IGFN1: variants seen among roughly 807,000 people sequenced by gnomAD.
IGFN1 encodes the protein immunoglobulin like and fibronectin type III domain containing 1.
In IGFN1, 253 loss-of-function variants were observed where a neutral mutation model predicts 289.5. That is an observed-to-expected ratio of 0.87 (90% CI 0.79 to 0.97). IGFN1 has a LOEUF of 0.97. Ranked by LOEUF, IGFN1 falls within the 50% of genes least tolerant of loss-of-function variation. The probability of loss-of-function intolerance (pLI) is 0.00; values close to 1 mark genes in which losing one functional copy is unlikely to be tolerated. For missense variants in IGFN1, 4,470 were observed against 4,686.1 expected (o/e 0.95, Z 1.35); for synonymous variants, 1,706 against 1,788.5 (o/e 0.95, Z 1.16).
Position 201,212,822 on chromosome 1 carries a change from G to A in IGFN1, c.7929G>A (p.Lys2643=). The change falls in exon 12 of 24, where the codon AAG becomes AAA. Residue 2643 remains lysine, a synonymous_variant. Coordinates refer to ENST00000335211, the MANE Select transcript of IGFN1 (RefSeq NM_001164586.2). ...GCCAAGGCAGCATAGATGCTGGGAA[G>A]CAGCCCGCAGGCTCCAGAGCTTCCG... ...GFSQGSIDAG[K]QPAGSRASGS... The A allele has an allele frequency of 6.4e-7, 1 of 1,551,354 alleles. No homozygotes were observed. Among genetic ancestry groups the A allele is most frequent in the Non-Finnish European group, 8.7e-7 (1 of 1,146,912 alleles).
chr1:201,220,861 G>A (rs1653680009), intron 18 of IGFN1, among the ~76,000 whole-genome samples: 1 of 152,212 alleles, frequency 6.6e-6, no homozygotes, highest in Non-Finnish European at 1.5e-5. Context: ...TGGCATCTAG[G>A]TGCCAGTATT....
chr1:201,201,851 TGGGTG>T lies in IGFN1; in HGVS notation c.747+23_747+27del. ...GTATAAGGTGAGGCTGGAGGGGCTATGGGTGGGGGGGATCTGGCAGGGATGCTTCA... is the reference window on the plus strand; with the variant it reads ...GTATAAGGTGAGGCTGGAGGGGCTATGGGGGGATCTGGCAGGGATGCTTCA... On this transcript the variant is annotated intron_variant, in intron 9 of 23. Transcript: ENST00000335211. 1.4e-6 allele frequency: 1 copy of T among 716,314 alleles called. No homozygotes were observed. The highest frequency in any genetic ancestry group is 2.4e-6 in the Non-Finnish European group (1 of 410,286). The allele number at this position is 716,314 out of a possible 1,614,324, so 44.4% of individuals were successfully genotyped here.
Position 201,208,410 on chromosome 1 carries a change from G to T in IGFN1, c.3517G>T (p.Ala1173Ser), listed in dbSNP as rs7551538. 0.33 allele frequency: 485,362 copies of T among 1,449,018 alleles called. 82,516 individuals carry two copies. The highest frequency in any genetic ancestry group is 0.38 in the South Asian group (25,510 of 67,562). 89.8% of individuals were successfully genotyped at this position (1,449,018 alleles called of 1,614,324 possible). Residue 1173 changes from alanine to serine, a missense_variant, in exon 12 of 24, where the codon GCT becomes TCT. By Grantham distance (99) the Ala-to-Ser change is moderately conservative (BLOSUM62 1). This residue lies in a region of IGFN1 where 2,011 missense variants were observed against 1,953.4 expected (regional missense o/e 1.03). Coordinates refer to ENST00000335211, the MANE Select transcript of IGFN1 (RefSeq NM_001164586.2). ...GEGDGTRCPG[A>S]KASGAGAGYR... ...GGGGGATGGGACAAGATGCCCTGGT[G>T]CTAAGGCCTCTGGAGCTGGAGCTGG...
chr1:201,203,746 GA>G lies in IGFN1; in HGVS notation c.757del (p.Met253Ter). ...SKIYLYKDGE[M>X]IPYGFNNQTK... ...TCCTTTTCTGGCCTTAGGATGGTGAGATGATCCCCTATGGCTTCAACAACCA... is the reference window on the plus strand; with the variant it reads ...TCCTTTTCTGGCCTTAGGATGGTGAGTGATCCCCTATGGCTTCAACAACCA... On this transcript the variant is annotated frameshift_variant, in exon 10 of 24. Coordinates refer to ENST00000335211, the MANE Select transcript of IGFN1 (RefSeq NM_001164586.2). LOFTEE classifies it high-confidence loss of function. The G allele has an allele frequency of 6.4e-7, 1 of 1,551,698 alleles. No homozygotes were observed. Among genetic ancestry groups the G allele is most frequent in the South Asian group, 1.2e-5 (1 of 84,050 alleles).
chr1:201,207,915 G>C lies in IGFN1; in HGVS notation c.3022G>C (p.Gly1008Arg). The change falls in exon 12 of 24, where the codon GGG becomes CGG. Residue 1008 changes from glycine (G) to arginine (R), a missense_variant. By Grantham distance (125) the Gly-to-Arg change is moderately radical (BLOSUM62 -2). Transcript: ENST00000335211. ...GGGAGTGGAGTCTGAGGAAGGGGGT[G>C]GGTACAGGCATGGCTCCGGAGCGCC... Reference protein sequence around the residue: ...PAGVESEEGGGYRHGSGAPGG... With the variant: ...PAGVESEEGGRYRHGSGAPGG... 1 of 1,536,826 alleles carries C rather than the reference G, an allele frequency of 6.5e-7. No individual in the cohort carries two copies. The highest frequency in any genetic ancestry group is 2.4e-5 in the East Asian group (1 of 40,896).
In IGFN1 at chr1:201,212,652, G is replaced by T; in HGVS notation, c.7759G>T (p.Val2587Leu). 1 of 1,541,448 alleles carries T rather than the reference G, an allele frequency of 6.5e-7. No homozygotes were observed. Among genetic ancestry groups the T allele is most frequent in the Non-Finnish European group, 8.8e-7 (1 of 1,141,238 alleles). The change falls in exon 12 of 24, where the codon GTA (valine) becomes TTA (leucine). Residue 2587 changes from valine to leucine, a missense_variant. Val to Leu is a conservative substitution (Grantham distance 32). Transcript: ENST00000335211. ...GGDSLLGGRR[V>L]GSGSSVGTGQ... ...GGACTCACTTTTGGGAGGCAGAAGG[G>T]TAGGCTCAGGGAGTTCAGTGGGGAC...
chr1:201,224,767 A>C lies in IGFN1; in HGVS notation c.10379A>C (p.Gln3460Pro). 2 of 1,614,176 alleles carry C rather than the reference A, an allele frequency of 1.2e-6. No individual in the cohort carries two copies. Among genetic ancestry groups the C allele is most frequent in the Non-Finnish European group, 1.7e-6 (2 of 1,180,016 alleles). Reference protein sequence around the residue: ...SVTVTKDGLTQLLIPVAGLSD... With the variant: ...SVTVTKDGLTPLLIPVAGLSD... ...ACTGTCACTAAGGATGGCCTCACCC[A>C]GCTTCTGATCCCTGTGGCTGGACTC... Residue 3460 changes from glutamine to proline, a missense_variant, in exon 21 of 24, where the codon CAG becomes CCG. By Grantham distance (76) the Gln-to-Pro change is moderately conservative (BLOSUM62 -1). Transcript: ENST00000335211.
chr1:201,228,636 C>T lies in IGFN1; in HGVS notation c.*237C>T, dbSNP rs566169100. 4.7e-5 allele frequency: 28 copies of T among 594,552 alleles called. No individual in the cohort carries two copies. The highest frequency in any genetic ancestry group is 7.9e-5 in the South Asian group (4 of 50,428). 36.8% of individuals were successfully genotyped at this position (594,552 alleles called of 1,614,324 possible). A position where few individuals can be genotyped will look rare whatever the true frequency, so the allele number is the denominator to read the frequency against. ...GCTAAGTCACTCAACAGAATGACAGCGAACCTCCTGGACCCTCACCATATG... is the reference window on the plus strand; with the variant it reads ...GCTAAGTCACTCAACAGAATGACAGTGAACCTCCTGGACCCTCACCATATG... On this transcript the variant is annotated 3_prime_UTR_variant, in exon 24 of 24. Coordinates refer to ENST00000335211, the MANE Select transcript of IGFN1 (RefSeq NM_001164586.2).
chr1:201,201,940 A>G lies in IGFN1; in HGVS notation c.747+108A>G, dbSNP rs1572170572. The G allele has an allele frequency of 1.4e-5, 9 of 661,796 alleles. No homozygotes were observed. The East Asian group carries it at 2.2e-4, about 16-fold the overall frequency. 41.0% of individuals were successfully genotyped at this position (661,796 alleles called of 1,614,324 possible). On this transcript the variant is annotated intron_variant, in intron 9 of 23. Coordinates refer to ENST00000335211, the MANE Select transcript of IGFN1 (RefSeq NM_001164586.2). ...ATTCCTCCAAGGGAACAACCAGAGC[A>G]CACAAGTGGTGAGCCCCTCATCCCA... is the stretch of plus-strand genomic sequence containing the variant.
Position 201,200,303 on chromosome 1 carries a change from C to T in IGFN1, c.525C>T (p.Asp175=). 1 of 1,551,652 alleles carries T rather than the reference C, an allele frequency of 6.4e-7. No homozygotes were observed. The highest frequency in any genetic ancestry group is 2.4e-5 in the East Asian group (1 of 40,916). The change falls in exon 8 of 24, where the codon GAC becomes GAT. Residue 175 remains aspartate (D), a synonymous_variant. Coordinates refer to ENST00000335211, the MANE Select transcript of IGFN1 (RefSeq NM_001164586.2). ...TATGGCAGCTGCTGATGACAGCAGA[C>T]AGGAAGGACTACGAGAAGATCTGCT... is the stretch of plus-strand genomic sequence containing the variant. ...EQIWQLLMTA[D]RKDYEKICLK...
In IGFN1 at chr1:201,213,336, C is replaced by T; in HGVS notation, c.8443C>T (p.Leu2815Phe). Residue 2815 changes from leucine (L) to phenylalanine (F), a missense_variant, in exon 12 of 24, where the codon CTC (leucine) becomes TTC (phenylalanine). By Grantham distance (22) the Leu-to-Phe change is conservative. Around this residue, in one of 8 missense-constraint regions of IGFN1, gnomAD observed 2,218 missense variants for 2,114.1 expected, o/e 1.05. Coordinates refer to ENST00000335211, the MANE Select transcript of IGFN1 (RefSeq NM_001164586.2). ...AGRSGRRPGS[L>F]RSRSQAQSGA... Reference sequence around the variant, plus strand: ...GAGGTCAGGCAGGAGGCCTGGCTCACTCAGGAGCAGGTCTCAGGCACAGTC... The same window carrying T: ...GAGGTCAGGCAGGAGGCCTGGCTCATTCAGGAGCAGGTCTCAGGCACAGTC... The T allele has an allele frequency of 6.3e-7, 1 of 1,599,572 alleles. No individual in the cohort carries two copies. Among genetic ancestry groups the T allele is most frequent in the Non-Finnish European group, 8.5e-7 (1 of 1,173,166 alleles).
At chr1:201,204,986 G>T (rs1227647250) in intron 10 of IGFN1, 96 bp from the exon 11 acceptor site, 3 of 1,298,234 alleles carry the variant, frequency 2.3e-6, no homozygotes, top group Non-Finnish European at 3.2e-6. Flanking sequence ...GGCTGAGCTG[G>T]TCTAAGCCAG....
intron 16 of IGFN1, 67 bp from the exon 17 acceptor site, chr1:201,217,220 C>A (rs1653367476): frequency 6.8e-7 from 1 of 1,463,876 alleles, no homozygotes. Context: ...CCCCTACCCC[C>A]AGGGGCTCCC....
At chr1:201,219,952 T>G (rs1026100650) in intron 18 of IGFN1, among the ~76,000 whole-genome samples, 1 of 149,512 alleles carries the variant, frequency 6.7e-6, no homozygotes, top group Non-Finnish European at 1.5e-5. Context: ...TCCTTCTTTC[T>G]CTCTCTCCTT....
chr1:201,206,263 T>A lies in IGFN1; in HGVS notation c.1370T>A (p.Ile457Lys), dbSNP rs1667416351. ...GAGPASGLQH[I>K]ASPDRDGLGR... Reference sequence around the variant, plus strand: ...GGGCCGGCTTCTGGGCTCCAGCACATAGCCAGCCCAGACAGGGATGGCCTT... The same window carrying A: ...GGGCCGGCTTCTGGGCTCCAGCACAAAGCCAGCCCAGACAGGGATGGCCTT... Residue 457 changes from isoleucine to lysine, a missense_variant, in exon 12 of 24, where the codon ATA (isoleucine) becomes AAA (lysine). Physicochemically the swap from Ile to Lys is moderately radical, Grantham distance 102. Coordinates refer to ENST00000335211, the MANE Select transcript of IGFN1 (RefSeq NM_001164586.2). The A allele has an allele frequency of 2.6e-6, 4 of 1,548,292 alleles. No homozygotes were observed. In the South Asian group the frequency reaches 4.8e-5, roughly 18 times the overall value.
At chr1:201,200,160 T>C (rs1372748067) in intron 7 of IGFN1, 77 bp from the exon 8 acceptor site, 7 of 1,229,674 alleles carry the variant, frequency 5.7e-6, no homozygotes, top group South Asian at 4.4e-5. Flanking sequence ...CCAGAACTAC[T>C]TGGGACACCA....
Position 201,209,856 on chromosome 1 carries a change from G to T in IGFN1, c.4963G>T (p.Gly1655Cys), listed in dbSNP as rs12758581. ...GGGAATAGGTTCAGGGAGCAAGGCA[G>T]GTTTTAGGGATGGTTTAGGGAGTTC... ...PKGIGSGSKA[G>C]FRDGLGSSGE... The change falls in exon 12 of 24, where the codon GGT becomes TGT. Residue 1655 changes from glycine (G) to cysteine (C), a missense_variant. Physicochemically the swap from Gly to Cys is radical, Grantham distance 159. Coordinates refer to ENST00000335211, the MANE Select transcript of IGFN1 (RefSeq NM_001164586.2). The T allele has an allele frequency of 7.2e-7, 1 of 1,382,364 alleles. No homozygotes were observed. Among genetic ancestry groups the T allele is most frequent in the South Asian group, 1.3e-5 (1 of 77,746 alleles). The allele number at this position is 1,382,364 out of a possible 1,614,324, so 85.6% of individuals were successfully genotyped here.
chr1:201,217,137 C>T (rs374185033), intron 16 of IGFN1, 150 bp from the exon 17 acceptor site: 1 of 675,220 alleles, frequency 1.5e-6, no homozygotes, highest in Non-Finnish European at 2.5e-6. Flanking sequence ...AGAACACTGA[C>T]CTAGGGCGGG....
In IGFN1 at chr1:201,209,460, G is replaced by C; in HGVS notation, c.4567G>C (p.Gly1523Arg). 1 of 1,536,546 alleles carries C rather than the reference G, an allele frequency of 6.5e-7. No individual in the cohort carries two copies. Among genetic ancestry groups the C allele is most frequent in the Non-Finnish European group, 8.7e-7 (1 of 1,146,682 alleles). The change falls in exon 12 of 24, where the codon GGG (glycine) becomes CGG (arginine). Residue 1523 changes from glycine (G) to arginine (R), a missense_variant. Gly to Arg is a moderately radical substitution (Grantham distance 125, BLOSUM62 -2). Transcript: ENST00000335211. ...GGGTGGCTTAGGTTCTGGGGAAATG[G>C]GGTCTGTGGATAAGGCAGGCTATAG... ...YRGGLGSGEMGSVDKAGYRKD... is the reference protein window; with the variant it reads ...YRGGLGSGEMRSVDKAGYRKD...
Sources: allele counts gnomAD v4.1 joint callset (sites outside exome capture counted in the v4.1 genomes callset), GRCh38; gene constraint gnomAD v4.1.1; regional missense constraint gnomAD v4.1.1; transcripts MANE v1.5; gene names NCBI Gene and HGNC (gene_info 2026-07-23, HGNC 2026-07-21).